TBC1D20: variants seen among roughly 807,000 people sequenced by gnomAD.
TBC1D20 encodes the protein chromosome 20 open reading frame 140.
Under a neutral mutation model 41.6 loss-of-function variants are expected in TBC1D20, and 12 were observed. The observed-to-expected ratio is 0.29, with a 90% CI of 0.18 to 0.47. The LOEUF is 0.47. TBC1D20 is among the 20% of genes least tolerant of loss of function. The pLI is 1.00. For missense variants in TBC1D20, 421 were observed against 517.4 expected, an observed-to-expected ratio of 0.81 and a Z score of 1.81; for synonymous variants, 205 against 204.8, an observed-to-expected ratio of 1.00 and a Z score of -0.01.
chr20:446,443 C>T (rs1158091220), intron 2 of TBC1D20, among the ~76,000 whole-genome samples: 1 of 152,172 alleles, frequency 6.6e-6, no homozygotes, highest in Non-Finnish European at 1.5e-5. Context: ...TCGGTTCAAG[C>T]GATTCTCCTG....
At chr20:456,995 G>A (rs1023499575) in intron 1 of TBC1D20, among the ~76,000 whole-genome samples, 12 of 144,852 alleles carry the variant, frequency 8.3e-5, no homozygotes, top group Non-Finnish European at 1.6e-4. Flanking sequence ...GGAGTGCAAC[G>A]GCACGATCTC....
At position 447,504 on chromosome 20, in the gene TBC1D20, A is replaced by G. The variant is rs1356423855; in HGVS notation, c.256+385T>C. Reference sequence around the variant, plus strand: ...AAAACCCCATCTCTACTAAAAATACAAAAATTAGCCAGGCATGGTAGCGCA... The same window carrying G: ...AAAACCCCATCTCTACTAAAAATACGAAAATTAGCCAGGCATGGTAGCGCA... On this transcript the variant is annotated intron_variant, in intron 2 of 7. Coordinates refer to ENST00000354200, the MANE Select transcript of TBC1D20 (RefSeq NM_144628.4). Among the ~76,000 whole-genome samples the G allele has an allele frequency of 2.6e-5, 4 of 151,762 alleles. No homozygotes were observed. The East Asian group carries it at 7.9e-4, about 30-fold the overall frequency.
intron 1 of TBC1D20, among the ~76,000 whole-genome samples, chr20:453,901 T>C (rs2017495884): frequency 7.0e-6 from 1 of 142,814 alleles, no homozygotes; most frequent in Non-Finnish European, 1.5e-5. Context: ...GGTCAGGAGA[T>C]TGAGACGAGC....
chr20:460,197 A>G (rs561565412), intron 1 of TBC1D20, among the ~76,000 whole-genome samples: 19 of 152,228 alleles, frequency 1.2e-4, no homozygotes, highest in African/African-American at 4.6e-4. Context: ...CTAGTCTTAA[A>G]ACAATGGAAG....
At chr20:455,146 T>C (rs1354773428) in intron 1 of TBC1D20, among the ~76,000 whole-genome samples, 2 of 152,210 alleles carry the variant, frequency 1.3e-5, no homozygotes, top group Admixed American at 6.5e-5. Flanking sequence ...CCTGTCCTCC[T>C]GGCTTGACTG....
chr20:438,796 C>T lies in TBC1D20; in HGVS notation c.1002G>A (p.Gln334=), dbSNP rs2017169111. 6.2e-7 allele frequency: 1 copy of T among 1,614,124 alleles called. No individual in the cohort carries two copies. Among genetic ancestry groups the T allele is most frequent in the Admixed American group, 1.7e-5 (1 of 60,006 alleles). ...TFKDFELASA[Q]QRPDMVLRQR... ...GCCGCAGCACCATATCAGGCCTCTGCTGGGCTGATGCCAGCTCAAAGTCTT... is the reference window on the plus strand; with the variant it reads ...GCCGCAGCACCATATCAGGCCTCTGTTGGGCTGATGCCAGCTCAAAGTCTT... The change falls in exon 8 of 8, where the codon CAG becomes CAA. Residue 334 remains glutamine, a synonymous_variant. Coordinates refer to ENST00000354200, the MANE Select transcript of TBC1D20 (RefSeq NM_144628.4).
At chr20:449,637 A>G (rs58383367) in intron 1 of TBC1D20, among the ~76,000 whole-genome samples, 7,826 of 152,196 alleles carry the variant, frequency 0.051, 215 homozygotes, top group South Asian at 0.07. Context: ...TTAAAATCAG[A>G]CAGATCTTGG....
At position 436,720 on chromosome 20, in the gene TBC1D20, CACT is replaced by C. The variant is rs1335117403; in HGVS notation, c.*1863_*1865del. The C allele has an allele frequency of 6.5e-6, 1 of 153,720 alleles. No homozygotes were observed. The highest frequency in any genetic ancestry group is 1.5e-5 in the Non-Finnish European group (1 of 68,056). The allele number at this position is 153,720 out of a possible 1,614,324, so 9.5% of individuals were successfully genotyped here. A position where few individuals can be genotyped will look rare whatever the true frequency, so the allele number is the denominator to read the frequency against. Reference sequence around the variant, plus strand: ...ATTTCCTTTGCCCTGATGAATACACCACTGTCTAAATTAATCCATCGACATCAC... The same window carrying C: ...ATTTCCTTTGCCCTGATGAATACACCGTCTAAATTAATCCATCGACATCAC... On this transcript the variant is annotated 3_prime_UTR_variant, in exon 8 of 8. Coordinates refer to ENST00000354200, the MANE Select transcript of TBC1D20 (RefSeq NM_144628.4).
intron 1 of TBC1D20, among the ~76,000 whole-genome samples, chr20:458,441 G>A (rs2017578272): frequency 1.3e-5 from 2 of 151,684 alleles, no homozygotes; most frequent in South Asian, 4.2e-4. Context: ...AGCCTCCCAG[G>A]TAGCTGGGAC....
chr20:438,888 G>A (rs745607330), intron 7 of TBC1D20, 47 bp from the exon 8 acceptor site: 5 of 1,601,962 alleles, frequency 3.1e-6, no homozygotes, highest in Non-Finnish European at 4.3e-6. Context: ...GAAAGAGGAG[G>A]AGGAAAGCAA....
Position 454,650 on chromosome 20 carries a change from C to CATTATTATTATT in TBC1D20, c.71-6588_71-6577dup, listed in dbSNP as rs11471553. ...AAACTGTTTCTATGACAAAGCTGTA[C>CATTATTATTATT]ATTATTATTATTATTATTATTATTT... On this transcript the variant is annotated intron_variant, in intron 1 of 7. Transcript: ENST00000354200. Among the ~76,000 whole-genome samples, 1,006 of 149,566 alleles carry CATTATTATTATT rather than the reference C, an allele frequency of 6.7e-3. 16 individuals carry two copies. The highest frequency in any genetic ancestry group is 0.022 in the African/African-American group (918 of 40,852).
intron 1 of TBC1D20, among the ~76,000 whole-genome samples, chr20:449,107 A>T (rs1436679057): frequency 2.8e-5 from 4 of 145,432 alleles, no homozygotes; most frequent in Non-Finnish European, 6.0e-5. Context: ...GGTCTCCCAA[A>T]GTGCTAGGAT....
Position 462,529 on chromosome 20 carries a change from C to T in TBC1D20, c.-124G>A, listed in dbSNP as rs2017655851. 8.4e-6 allele frequency: 3 copies of T among 357,176 alleles called. No individual in the cohort carries two copies. Among genetic ancestry groups the T allele is most frequent in the Non-Finnish European group, 8.5e-6 (2 of 235,916 alleles). The allele number at this position is 357,176 out of a possible 1,614,324, so 22.1% of individuals were successfully genotyped here. A position where few individuals can be genotyped will look rare whatever the true frequency, so the allele number is the denominator to read the frequency against. ...CAGGCTCCCCTCCGTCGGCCAGCGG[C>T]GCGCAGGCGCGCAGGCGCCCCGCTG... On this transcript the variant is annotated 5_prime_UTR_variant, in exon 1 of 8. Coordinates refer to ENST00000354200, the MANE Select transcript of TBC1D20 (RefSeq NM_144628.4).
intron 6 of TBC1D20, 64 bp downstream of exon 6, chr20:440,184 G>T (rs2122382947): frequency 1.9e-6 from 3 of 1,571,284 alleles, no homozygotes; most frequent in East Asian, 2.3e-5. Flanking sequence ...TTCCCTTCAG[G>T]GAAAATGACC....
chr20:442,894 G>A (rs1039562578), intron 3 of TBC1D20, among the ~76,000 whole-genome samples: 3 of 152,068 alleles, frequency 2.0e-5, no homozygotes, highest in Admixed American at 6.5e-5. Flanking sequence ...TCAGGAGATC[G>A]AGACCATCCT....
intron 3 of TBC1D20, among the ~76,000 whole-genome samples, chr20:443,644 A>G (rs995466466): frequency 7.2e-5 from 11 of 152,212 alleles, no homozygotes; most frequent in Non-Finnish European, 1.2e-4. Flanking sequence ...CTGATAGGTG[A>G]AGCAGTGAAA....
intron 1 of TBC1D20, among the ~76,000 whole-genome samples, chr20:449,245 C>T (rs1306164102): frequency 1.6e-5 from 2 of 122,360 alleles, no homozygotes; most frequent in East Asian, 2.3e-4. Flanking sequence ...CTCTGCCTCC[C>T]GGGTTCAAGT....
chr20:459,942 A>G lies in TBC1D20; in HGVS notation c.70+2394T>C, dbSNP rs182937766. Among the ~76,000 whole-genome samples the G allele has an allele frequency of 2.2e-4, 33 of 152,356 alleles. 1 individual carries two copies. The highest frequency in any genetic ancestry group is 3.4e-3 in the Middle Eastern group (1 of 294). On this transcript the variant is annotated intron_variant, in intron 1 of 7. Transcript: ENST00000354200. The stretch of plus-strand genomic sequence containing the variant: ...AGGCATGTCCAAAATCACCTGGATT[A>G]GGGCACTTAATACACTGGGAAGGGA...
rs1379043007 is a variant in TBC1D20, at chr20:462,480, G to T, written c.-75C>A. The T allele has an allele frequency of 3.0e-5, 27 of 910,580 alleles. No individual in the cohort carries two copies. Among genetic ancestry groups the T allele is most frequent in the Non-Finnish European group, 3.5e-5 (25 of 710,008 alleles). The allele number at this position is 910,580 out of a possible 1,614,324, so 56.4% of individuals were successfully genotyped here. ...GGAGAAGACGCGGCTCCGACCGCGGGACGTAGCACCCGCTCGGCATCGGCA... is the reference window on the plus strand; with the variant it reads ...GGAGAAGACGCGGCTCCGACCGCGGTACGTAGCACCCGCTCGGCATCGGCA... On this transcript the variant is annotated 5_prime_UTR_variant, in exon 1 of 8. Transcript: ENST00000354200.
Sources: allele counts gnomAD v4.1 joint callset (sites outside exome capture counted in the v4.1 genomes callset), GRCh38; gene constraint gnomAD v4.1.1; transcripts MANE v1.5; gene names NCBI Gene and HGNC (gene_info 2026-07-23, HGNC 2026-07-21).